Variants in CSMD2 observed in about 807,000 individuals in gnomAD.
CSMD2 encodes the protein CUB and sushi domain-containing protein 2.
A neutral mutation model predicts 398.5 loss-of-function variants in CSMD2; 130 were observed. The observed-to-expected ratio is 0.33, with a 90% confidence interval of 0.28 to 0.38. CSMD2 has a LOEUF of 0.38. CSMD2 is among the 10% of genes least tolerant of loss of function. The pLI is 1.00. For missense variants in CSMD2, 3,829 were observed against 4,764.9 expected (o/e 0.80, Z 5.78); for synonymous variants, 1,828 against 1,908.5 (o/e 0.96, Z 1.10).
chr1:33,971,516 T>C (rs746348988), intron 3 of CSMD2, among the ~76,000 whole-genome samples: 22 of 152,262 alleles, frequency 1.4e-4, no homozygotes, highest in Non-Finnish European at 2.5e-4. Context: ...GCCAGGCACA[T>C]TCCAATGTCT....
At chr1:33,574,243 C>T (rs1659865632) in intron 49 of CSMD2, among the ~76,000 whole-genome samples, 1 of 151,992 alleles carries the variant, frequency 6.6e-6, no homozygotes, top group Admixed American at 6.6e-5. Flanking sequence ...CTCAAGAATA[C>T]AAAGAAAAGG....
At chr1:33,773,021 G>A (rs1361991772) in intron 12 of CSMD2, among the ~76,000 whole-genome samples, 1 of 152,206 alleles carries the variant, frequency 6.6e-6, no homozygotes, top group Non-Finnish European at 1.5e-5. Flanking sequence ...ATGCTTGGAT[G>A]TTTTGATCCC....
intron 4 of CSMD2, among the ~76,000 whole-genome samples, chr1:33,918,918 G>A (rs537793391): frequency 2.0e-5 from 3 of 152,202 alleles, no homozygotes; most frequent in Non-Finnish European, 4.4e-5. Context: ...ATTAGCCAGT[G>A]ACTGACATGT....
intron 23 of CSMD2, 49 bp downstream of exon 23, chr1:33,700,468 A>G (rs749031554): frequency 6.3e-7 from 1 of 1,595,790 alleles, no homozygotes; most frequent in Non-Finnish European, 8.6e-7. Flanking sequence ...AAATGAATAA[A>G]ATGGGAAACC....
rs75966626 is a variant in CSMD2 at position 33,903,165 on chromosome 1, T to C, written c.920+14929A>G. On this transcript the variant is annotated intron_variant, in intron 5 of 70. Transcript: ENST00000373381. ...GGAAAGAAACAAAAAGAAAGTGATA[T>C]TTAACACATTTCTATTTCTGTGCTA... is the stretch of plus-strand genomic sequence containing the variant. 3.0e-3 allele frequency among the ~76,000 whole-genome samples: 457 copies of C among 152,322 alleles called. 4 individuals are homozygous for C. Among genetic ancestry groups the C allele is most frequent in the African/African-American group, 0.011 (440 of 41,576 alleles).
intron 10 of CSMD2, among the ~76,000 whole-genome samples, chr1:33,800,296 G>C (rs1655440715): frequency 6.6e-6 from 1 of 152,180 alleles, no homozygotes; most frequent in African/African-American, 2.4e-5. Flanking sequence ...CTGGGGTGAG[G>C]AGGAGGGGAG....
At chr1:33,836,475 G>T (rs926524756) in intron 6 of CSMD2, among the ~76,000 whole-genome samples, 10 of 152,338 alleles carry the variant, frequency 6.6e-5, no homozygotes, top group African/African-American at 2.4e-4. Context: ...AATCTACAGA[G>T]GCAGACCAGC....
chr1:33,725,300 C>G (rs756948667), intron 17 of CSMD2, 49 bp downstream of exon 17: 5 of 1,546,530 alleles, frequency 3.2e-6, no homozygotes, highest in Non-Finnish European at 4.5e-6. Context: ...GCCTTTGACC[C>G]ACCTGGGCTG....
intron 25 of CSMD2, among the ~76,000 whole-genome samples, chr1:33,685,566 T>C (rs1352529779): frequency 6.6e-6 from 1 of 152,198 alleles, no homozygotes; most frequent in African/African-American, 2.4e-5. Context: ...TGGCCTTCAG[T>C]GTGTAAAGAC....
intron 1 of CSMD2, among the ~76,000 whole-genome samples, chr1:34,125,617 C>T (rs534033047): frequency 6.6e-6 from 1 of 151,928 alleles, no homozygotes; most frequent in East Asian, 2.0e-4. Context: ...ACCAAAATAG[C>T]ATCAAGCAAT....
rs1480865301 is a variant in CSMD2 at position 33,537,675 on chromosome 1, A to G, written c.9632-66T>C. The G allele has an allele frequency of 1.3e-6, 2 of 1,488,260 alleles. No individual in the cohort carries two copies. The highest frequency in any genetic ancestry group is 1.8e-6 in the Non-Finnish European group (2 of 1,102,706). 92.2% of individuals were successfully genotyped at this position (1,488,260 alleles called of 1,614,324 possible). On this transcript the variant is annotated intron_variant, in intron 60 of 70. Coordinates refer to ENST00000373381, the MANE Select transcript of CSMD2 (RefSeq NM_001281956.2). The surrounding 1 kb of genome is among the most constrained non-coding windows in gnomAD (Gnocchi z 4.6). ...CCAGAACCCAATCTTCCAGTCCCAC[A>G]CCCCCATCTTTGTTCTTTGCACTGC...
At chr1:34,054,743 A>T (rs7366511) in intron 2 of CSMD2, among the ~76,000 whole-genome samples, 12,718 of 151,592 alleles carry the variant, frequency 0.084, 673 homozygotes, top group East Asian at 0.2. Context: ...CTGTCTCTTT[A>T]AAAAAAAGTG....
intron 25 of CSMD2, among the ~76,000 whole-genome samples, chr1:33,678,297 T>C (rs1192705257): frequency 9.8e-6 from 1 of 102,004 alleles, no homozygotes; most frequent in East Asian, 2.8e-4. Flanking sequence ...CAAATAAACC[T>C]CTTTTCTTTA....
At chr1:33,837,467 T>C (rs5016387) in intron 6 of CSMD2, among the ~76,000 whole-genome samples, 4 of 151,720 alleles carry the variant, frequency 2.6e-5, no homozygotes, top group African/African-American at 9.7e-5. Flanking sequence ...AAAGAAGTTT[T>C]TTACTATCAA....
At chr1:33,542,259 C>A (rs1656420921) in intron 58 of CSMD2, among the ~76,000 whole-genome samples, 1 of 152,172 alleles carries the variant, frequency 6.6e-6, no homozygotes, top group Non-Finnish European at 1.5e-5. Context: ...GGAACCCGTA[C>A]TGGGTGGGGT....
Position 34,128,594 on chromosome 1 carries a change from G to A in CSMD2, c.187+36317C>T, listed in dbSNP as rs537028975. ...GCTGAGCACAGAGCACCAGGCCCCC[G>A]CCTCCCTGAAGGACCCACACAGCCT... On this transcript the variant is annotated intron_variant, in intron 1 of 70. Transcript: ENST00000373381. Among the ~76,000 whole-genome samples, 4 of 152,312 alleles carry A rather than the reference G, an allele frequency of 2.6e-5. No homozygotes were observed. The South Asian group carries it at 6.2e-4, about 24-fold the overall frequency.
intron 12 of CSMD2, among the ~76,000 whole-genome samples, chr1:33,785,110 G>A (rs1653360059): frequency 6.6e-6 from 1 of 152,194 alleles, no homozygotes; most frequent in Non-Finnish European, 1.5e-5. Context: ...CTGACACCTA[G>A]TCCATGAGCA....
intron 2 of CSMD2, among the ~76,000 whole-genome samples, chr1:34,066,219 C>A (rs1655093059): frequency 6.6e-6 from 1 of 152,166 alleles, no homozygotes; most frequent in Non-Finnish European, 1.5e-5. Flanking sequence ...CAGACACATA[C>A]ACACAGCACA....
intron 6 of CSMD2, among the ~76,000 whole-genome samples, chr1:33,829,861 G>A (rs796780020): frequency 2.2e-4 from 34 of 152,114 alleles, no homozygotes; most frequent in African/African-American, 8.2e-4. Flanking sequence ...ATTATATTCC[G>A]CACCTAGCTC....
Sources: allele counts gnomAD v4.1 joint callset (sites outside exome capture counted in the v4.1 genomes callset), GRCh38; gene constraint gnomAD v4.1.1; non-coding constraint Gnocchi (gnomAD v3.1); transcripts MANE v1.5; gene names NCBI Gene and HGNC (gene_info 2026-07-23, HGNC 2026-07-21).